FBXO3: variants seen among roughly 807,000 people sequenced by gnomAD.
FBXO3 encodes F-box only protein 3.
In FBXO3, 17 loss-of-function variants were observed where a neutral mutation model predicts 64.8. The ratio of observed to expected loss-of-function variants is 0.26; its 90% CI spans 0.18 to 0.39. FBXO3 has a LOEUF of 0.39. Ranked by LOEUF, FBXO3 falls within the 10% of genes least tolerant of loss-of-function variation. The probability of loss-of-function intolerance (pLI) is 1.00; values close to 1 mark genes in which losing one functional copy is unlikely to be tolerated. For synonymous variants in FBXO3, 182 were observed against 201.6 expected (o/e 0.90, Z 0.82); for missense variants, 420 against 589.9 (o/e 0.71, Z 2.98).
intron 3 of FBXO3, among the ~76,000 whole-genome samples, chr11:33,759,163 T>C (rs539750287): frequency 2.6e-5 from 4 of 152,284 alleles, no homozygotes; most frequent in Admixed American, 6.5e-5. Context: ...GCCCACCAGG[T>C]TGTTGGACTA....
chr11:33,755,726 T>A, intron 5 of FBXO3, 45 bp downstream of exon 5: 1 of 1,395,544 alleles, frequency 7.2e-7, no homozygotes, highest in Non-Finnish European at 1.0e-6. Context: ...TATACAACCA[T>A]CAGAACACAT....
chr11:33,751,429 A>C, intron 7 of FBXO3, 94 bp downstream of exon 7: 1 of 807,532 alleles, frequency 1.2e-6, no homozygotes, highest in Non-Finnish European at 2.0e-6. Flanking sequence ...TTCTATTATC[A>C]ACCTTCTTGG....
chr11:33,746,377 T>C, intron 10 of FBXO3: 1 of 356,744 alleles, frequency 2.8e-6, no homozygotes, highest in Non-Finnish European at 5.1e-6. Flanking sequence ...TGGCCCAAAG[T>C]CTCATTATCA....
chr11:33,761,114 C>G (rs560491153), intron 3 of FBXO3, among the ~76,000 whole-genome samples: 1 of 151,918 alleles, frequency 6.6e-6, no homozygotes, highest in East Asian at 1.9e-4. Flanking sequence ...GTCAAAGATG[C>G]AATGTTTTAA....
At chr11:33,747,093 G>C (rs1479597545) in intron 10 of FBXO3, 37 bp downstream of exon 10, 1 of 1,606,678 alleles carries the variant, frequency 6.2e-7, no homozygotes, top group Non-Finnish European at 8.5e-7. Context: ...ACCCTACAAA[G>C]TCATGTAAAT....
At chr11:33,744,412 C>T (rs1051368895) in intron 10 of FBXO3, 1 of 152,202 alleles carries the variant, frequency 6.6e-6, no homozygotes, top group Non-Finnish European at 1.5e-5. Flanking sequence ...CAAACACACA[C>T]ACCACCTAGA....
rs144759289 is a variant in FBXO3, at chr11:33,742,022, G to A, written c.1302C>T (p.Asp434=). 1.1e-4 allele frequency: 178 copies of A among 1,607,306 alleles called. No individual in the cohort carries two copies. The African/African-American group carries it at 1.5e-3, about 14-fold the overall frequency. ...CCATATCTGCTGAATCATCATCCTCGTCTTCCTCCTCTTCCTCCTCCTCCT... is the reference window on the plus strand; with the variant it reads ...CCATATCTGCTGAATCATCATCCTCATCTTCCTCCTCTTCCTCCTCCTCCT... ...EEEEEEEEEE[D]EDDDSADMDE... The change falls in exon 11 of 11, where the codon GAC becomes GAT. Residue 434 remains aspartate (D), a synonymous_variant. Transcript: ENST00000265651.
rs1326248183 is a variant in FBXO3, at chr11:33,748,865, A to G, written c.960T>C (p.Pro320=). The stretch of plus-strand genomic sequence containing the variant: ...GACTGTCCAACTGACAGGCCTTCTC[A>G]GGAAGTGCATCTTTTGACATTTCAA... The part of the protein sequence containing the change: ...IRIEMSKDAL[P]EKACQLDSRY... Residue 320 remains proline, a synonymous_variant, in exon 9 of 11, where the codon CCT becomes CCC. Transcript: ENST00000265651. 7 of 1,613,458 alleles carry G rather than the reference A, an allele frequency of 4.3e-6. No individual in the cohort carries two copies. The African/African-American group carries it at 9.3e-5, about 22-fold the overall frequency.
In FBXO3 at chr11:33,752,162, T is replaced by C. The variant is rs151330076; in HGVS notation, c.725-555A>G. 1.6e-3 allele frequency among the ~76,000 whole-genome samples: 251 copies of C among 152,336 alleles called. 1 individual carries two copies. Among genetic ancestry groups the C allele is most frequent in the Middle Eastern group, 6.8e-3 (2 of 294 alleles). ...TGGTCTAGTTGCACACTACTATAGATTTAATTGCACAGCGGTCCTCCATCT... is the reference window on the plus strand; with the variant it reads ...TGGTCTAGTTGCACACTACTATAGACTTAATTGCACAGCGGTCCTCCATCT... On this transcript the variant is annotated intron_variant, in intron 6 of 10. Coordinates refer to ENST00000265651, the MANE Select transcript of FBXO3 (RefSeq NM_012175.4).
At position 33,766,155 on chromosome 11, in the gene FBXO3, A is replaced by G. The variant is rs914856818; in HGVS notation, c.358+2696T>C. On this transcript the variant is annotated intron_variant, in intron 3 of 10. Coordinates refer to ENST00000265651, the MANE Select transcript of FBXO3 (RefSeq NM_012175.4). ...AAAGTGCTTTACTCATACTCAGTAA[A>G]TATTTATTTACTTTCTTTTCCCCTT... Among the ~76,000 whole-genome samples the G allele has an allele frequency of 2.0e-5, 3 of 152,200 alleles. No homozygotes were observed. In the East Asian group the frequency reaches 5.8e-4, roughly 29 times the overall value.
At position 33,755,912 on chromosome 11, in the gene FBXO3, T is replaced by C; in HGVS notation, c.537A>G (p.Thr179=). 1 of 1,614,180 alleles carries C rather than the reference T, an allele frequency of 6.2e-7. No individual in the cohort carries two copies. Among genetic ancestry groups the C allele is most frequent in the Non-Finnish European group, 8.5e-7 (1 of 1,180,006 alleles). ...YRSEDLLDVD[T]AAGGFQQRQG... ...GTCTCTGCTGGAATCCTCCGGCAGCTGTATCGACGTCTAACAAATCTTCAG... is the reference window on the plus strand; with the variant it reads ...GTCTCTGCTGGAATCCTCCGGCAGCCGTATCGACGTCTAACAAATCTTCAG... The change falls in exon 5 of 11, where the codon ACA becomes ACG. Residue 179 remains threonine, a synonymous_variant. Coordinates refer to ENST00000265651, the MANE Select transcript of FBXO3 (RefSeq NM_012175.4).
chr11:33,758,343 G>A (rs1855159198), intron 4 of FBXO3, 144 bp downstream of exon 4: 1 of 494,600 alleles, frequency 2.0e-6, no homozygotes, highest in Non-Finnish European at 3.5e-6. Flanking sequence ...TATAGATTTT[G>A]TCTTATGGAT....
chr11:33,761,028 T>G (rs1855228126), intron 3 of FBXO3, among the ~76,000 whole-genome samples: 1 of 152,192 alleles, frequency 6.6e-6, no homozygotes, highest in Non-Finnish European at 1.5e-5. Flanking sequence ...AGGAGGTGAT[T>G]GGAGTTAAAG....
At chr11:33,747,371 T>C (rs776273163) in intron 9 of FBXO3, 51 bp from the exon 10 acceptor site, 2 of 1,413,192 alleles carry the variant, frequency 1.4e-6, no homozygotes, top group South Asian at 2.4e-5. Context: ...CATTTCTTTA[T>C]TACAATAAAT....
intron 3 of FBXO3, chr11:33,763,293 A>C (rs2133615461): frequency 2.2e-6 from 1 of 446,020 alleles, no homozygotes; most frequent in South Asian, 1.6e-5. Flanking sequence ...ACACCTGACA[A>C]GAACATTGCA....
chr11:33,770,833 G>A lies in FBXO3; in HGVS notation c.105-3C>T. 1 of 1,588,416 alleles carries A rather than the reference G, an allele frequency of 6.3e-7. No individual in the cohort carries two copies. The highest frequency in any genetic ancestry group is 8.6e-7 in the Non-Finnish European group (1 of 1,162,194). On this transcript the variant is annotated splice_polypyrimidine_tract_variant and splice_region_variant and intron_variant, in intron 1 of 10. Transcript: ENST00000265651. ...GTCTTCGACTGACATAACAACAGCT[G>A]GCAGTAACCAGATTCACCGATAGTA...
intron 3 of FBXO3, among the ~76,000 whole-genome samples, chr11:33,765,760 T>G (rs1480432355): frequency 2.6e-5 from 4 of 152,168 alleles, no homozygotes; most frequent in African/African-American, 9.7e-5. Flanking sequence ...CTCAAGATAG[T>G]GAGTGACTTC....
In FBXO3 at chr11:33,761,685, T is replaced by C. The variant is rs546249492; in HGVS notation, c.359-3084A>G. ...GATATGACTCAACTGGATCCTCTGC[T>C]CAGGCCCCAAAAGGCTGAAAGTATG... On this transcript the variant is annotated intron_variant, in intron 3 of 10. Coordinates refer to ENST00000265651, the MANE Select transcript of FBXO3 (RefSeq NM_012175.4). Among the ~76,000 whole-genome samples the C allele has an allele frequency of 1.4e-3, 218 of 152,324 alleles. 1 individual carries two copies. The highest frequency in any genetic ancestry group is 5.0e-3 in the African/African-American group (206 of 41,568).
At chr11:33,746,859 A>C (rs1036167396) in intron 10 of FBXO3, 1 of 1,419,628 alleles carries the variant, frequency 7.0e-7, no homozygotes, top group African/African-American at 1.4e-5. Context: ...TACTGGTCTA[A>C]TGTGGTATTT....
Sources: allele counts gnomAD v4.1 joint callset (sites outside exome capture counted in the v4.1 genomes callset), GRCh38; gene constraint gnomAD v4.1.1; transcripts MANE v1.5; gene names NCBI Gene and HGNC (gene_info 2026-07-23, HGNC 2026-07-21).